NMD3: variants seen among roughly 807,000 people sequenced by gnomAD.
The protein encoded by NMD3 is NMD3 ribosome export adaptor, also known as 60S ribosomal export protein NMD3.
In NMD3, 47 loss-of-function variants were observed where a neutral mutation model predicts 73.1. The observed-to-expected ratio is 0.64, with a 90% CI of 0.51 to 0.82. The LOEUF (loss-of-function observed/expected upper bound fraction) is 0.82. Among genes scored for constraint, NMD3 ranks in the 40% least tolerant of loss-of-function variants. NMD3 has a pLI of 0.00. For missense variants in NMD3, 554 were observed against 612.5 expected (o/e 0.90, Z 1.01); for synonymous variants, 210 against 194.5 (o/e 1.08, Z -0.66).
intron 13 of NMD3, 101 bp downstream of exon 13, chr3:161,247,431 A>C: frequency 3.1e-6 from 2 of 650,906 alleles, no homozygotes; most frequent in South Asian, 5.2e-5. Flanking sequence ...ATAACAAATC[A>C]ATTTAGAGAT....
Position 161,246,399 on chromosome 3 carries a change from T to G in NMD3, c.1081T>G (p.Cys361Gly). ...AATGAATACAGATAAACAGTATTTT[T>G]GTCGTACTCATTTGGGACATCTTCT... ...SEMNTDKQYF[C>G]RTHLGHLLNP... The change falls in exon 12 of 16, where the codon TGT (cysteine) becomes GGT (glycine). Residue 361 changes from cysteine to glycine, a missense_variant. Transcript: ENST00000351193. The G allele has an allele frequency of 6.5e-7, 1 of 1,531,704 alleles. No homozygotes were observed. The highest frequency in any genetic ancestry group is 8.9e-7 in the Non-Finnish European group (1 of 1,122,606). 94.9% of individuals were successfully genotyped at this position (1,531,704 alleles called of 1,614,324 possible).
chr3:161,229,557 T>G (rs1736455867), intron 4 of NMD3, among the ~76,000 whole-genome samples: 1 of 152,160 alleles, frequency 6.6e-6, no homozygotes. Context: ...GTAGAAATAC[T>G]GAGTAGGCAG....
Position 161,238,181 on chromosome 3 carries a change from G to GT in NMD3, c.648dup (p.Pro217SerfsTer3). On this transcript the variant is annotated frameshift_variant, in exon 8 of 16. Coordinates refer to ENST00000351193, the MANE Select transcript of NMD3 (RefSeq NM_015938.5). LOFTEE classifies it high-confidence loss of function. ...GATGGTCGAATTTCTTCAGTGTACA[G>GT]TTCCCTGTAGGTATGTTCTGAACCT... 1 of 1,597,676 alleles carries GT rather than the reference G, an allele frequency of 6.3e-7. No individual in the cohort carries two copies. The highest frequency in any genetic ancestry group is 8.5e-7 in the Non-Finnish European group (1 of 1,169,880).
At position 161,238,718 on chromosome 3, in the gene NMD3, T is replaced by G; in HGVS notation, c.657-12T>G. On this transcript the variant is annotated splice_polypyrimidine_tract_variant and intron_variant, in intron 8 of 15. Coordinates refer to ENST00000351193, the MANE Select transcript of NMD3 (RefSeq NM_015938.5). The stretch of plus-strand genomic sequence containing the variant: ...TTTGTCTTTATATTACTACTAACTT[T>G]TTTCTTAATAGATACAAAGCATCAC... 1 of 1,333,120 alleles carries G rather than the reference T, an allele frequency of 7.5e-7. No individual in the cohort carries two copies. The allele number at this position is 1,333,120 out of a possible 1,614,324, so 82.6% of individuals were successfully genotyped here. A position where few individuals can be genotyped will look rare whatever the true frequency, so the allele number is the denominator to read the frequency against.
chr3:161,238,169 C>T lies in NMD3; in HGVS notation c.634C>T (p.Leu212Phe). Residue 212 changes from leucine to phenylalanine, a missense_variant, in exon 8 of 16, where the codon CTT becomes TTT. Transcript: ENST00000351193. ...KQHAQKMVEF[L>F]QCTVPCRYKA... ...ACATGCTCAGAAGATGGTCGAATTT[C>T]TTCAGTGTACAGTTCCCTGTAGGTA... is the stretch of plus-strand genomic sequence containing the variant. 2 of 1,599,396 alleles carry T rather than the reference C, an allele frequency of 1.3e-6. No homozygotes were observed. The highest frequency in any genetic ancestry group is 1.7e-6 in the Non-Finnish European group (2 of 1,173,116).
intron 14 of NMD3, 133 bp downstream of exon 14, chr3:161,249,693 G>A (rs1737403224): frequency 2.9e-6 from 2 of 697,948 alleles, no homozygotes; most frequent in East Asian, 5.5e-5. Flanking sequence ...TCTTATCAAG[G>A]TATTAATGGA....
Position 161,227,320 on chromosome 3 carries a change from A to G in NMD3, c.253A>G (p.Lys85Glu), listed in dbSNP as rs949653376. Residue 85 changes from lysine (K) to glutamate (E), a missense_variant, in exon 4 of 16, where the codon AAA becomes GAA. Physicochemically the swap from Lys to Glu is moderately conservative, Grantham distance 56. Transcript: ENST00000351193. ...SRELLALCLKKIKAPLSKVRL... is the reference protein window; with the variant it reads ...SRELLALCLKEIKAPLSKVRL... ...GGAACTTCTTGCTTTGTGCTTGAAAAAAATCAAAGCCCCTCTGAGTAAGGT... is the reference window on the plus strand; with the variant it reads ...GGAACTTCTTGCTTTGTGCTTGAAAGAAATCAAAGCCCCTCTGAGTAAGGT... The G allele has an allele frequency of 6.2e-7, 1 of 1,611,982 alleles. No homozygotes were observed. Among genetic ancestry groups the G allele is most frequent in the African/African-American group, 1.3e-5 (1 of 74,816 alleles).
chr3:161,236,639 G>T (rs1314836386), intron 7 of NMD3, among the ~76,000 whole-genome samples: 1 of 152,090 alleles, frequency 6.6e-6, no homozygotes, highest in Non-Finnish European at 1.5e-5. Context: ...AAAACTGTTT[G>T]TCTAATCAAG....
chr3:161,221,958 C>CT (rs376329329), intron 1 of NMD3, 36 bp from the exon 2 acceptor site: 10,521 of 859,124 alleles, frequency 0.012, 228 homozygotes, highest in East Asian at 0.02. Flanking sequence ...CCAACATTCT[C>CT]TTTTTTTTTT....
At chr3:161,250,119 G>A (rs917983611) in intron 14 of NMD3, 137 bp from the exon 15 acceptor site, 24 of 568,752 alleles carry the variant, frequency 4.2e-5, no homozygotes, top group Admixed American at 6.7e-5. Flanking sequence ...AAAAAACTGA[G>A]AGTTTATATA....
chr3:161,236,905 G>A (rs909953604), intron 7 of NMD3, among the ~76,000 whole-genome samples: 54 of 152,218 alleles, frequency 3.5e-4, no homozygotes, highest in African/African-American at 1.3e-3. Context: ...TGCTCCCATT[G>A]ATCTATATAT....
intron 11 of NMD3, among the ~76,000 whole-genome samples, chr3:161,243,263 A>G (rs1184786914): frequency 6.6e-6 from 1 of 152,214 alleles, no homozygotes; most frequent in African/African-American, 2.4e-5. Flanking sequence ...AATTAATAAT[A>G]AAATAGACCA....
chr3:161,237,120 C>G (rs964253858), intron 7 of NMD3, among the ~76,000 whole-genome samples: 12 of 152,084 alleles, frequency 7.9e-5, no homozygotes, highest in Middle Eastern at 6.8e-3. Flanking sequence ...TTGGCTATTC[C>G]TTTCTTGATT....
At chr3:161,250,166 A>G (rs1303815408) in intron 14 of NMD3, 90 bp from the exon 15 acceptor site, 1 of 680,948 alleles carries the variant, frequency 1.5e-6, no homozygotes, top group Non-Finnish European at 2.5e-6. Flanking sequence ...AAACAGCAGT[A>G]TGTCTACATA....
chr3:161,227,325 C>T lies in NMD3; in HGVS notation c.258C>T (p.Ile86=). The part of the protein sequence containing the change: ...RELLALCLKK[I]KAPLSKVRLV... Reference sequence around the variant, plus strand: ...TTCTTGCTTTGTGCTTGAAAAAAATCAAAGCCCCTCTGAGTAAGGTAAGTT... The same window carrying T: ...TTCTTGCTTTGTGCTTGAAAAAAATTAAAGCCCCTCTGAGTAAGGTAAGTT... The change falls in exon 4 of 16, where the codon ATC becomes ATT. Residue 86 remains isoleucine (I), a synonymous_variant. Transcript: ENST00000351193. 6.3e-7 allele frequency: 1 copy of T among 1,599,322 alleles called. No homozygotes were observed. The highest frequency in any genetic ancestry group is 1.3e-5 in the African/African-American group (1 of 74,364).
intron 4 of NMD3, among the ~76,000 whole-genome samples, chr3:161,229,059 A>T (rs1203873603): frequency 2.0e-5 from 3 of 152,176 alleles, no homozygotes; most frequent in African/African-American, 7.2e-5. Context: ...AAATGTAGAG[A>T]CCAAAAGCAA....
At chr3:161,229,552 A>G (rs908347239) in intron 4 of NMD3, among the ~76,000 whole-genome samples, 1 of 152,176 alleles carries the variant, frequency 6.6e-6, no homozygotes, top group African/African-American at 2.4e-5. Context: ...CTTAAGTAGA[A>G]ATACTGAGTA....
chr3:161,231,764 G>T (rs1333292501), intron 4 of NMD3, among the ~76,000 whole-genome samples: 1 of 152,092 alleles, frequency 6.6e-6, no homozygotes, highest in East Asian at 1.9e-4. Context: ...GAAATCAGGA[G>T]ATCTAGAAGG....
In NMD3 at chr3:161,221,823, G is replaced by T. The variant is rs1230527773; in HGVS notation, c.-20-171G>T. On this transcript the variant is annotated intron_variant, in intron 1 of 15. Coordinates refer to ENST00000351193, the MANE Select transcript of NMD3 (RefSeq NM_015938.5). ...TCCTCATCTTAAAGTTCTTTTTAAC[G>T]AACTTACCCAGTGGAGTTGGGTTTC... The T allele has an allele frequency of 3.4e-5, 16 of 470,798 alleles. No homozygotes were observed. In the East Asian group the frequency reaches 4.7e-4, roughly 14 times the overall value. The allele number at this position is 470,798 out of a possible 1,614,324, so 29.2% of individuals were successfully genotyped here.
Sources: allele counts gnomAD v4.1 joint callset (sites outside exome capture counted in the v4.1 genomes callset), GRCh38; gene constraint gnomAD v4.1.1; transcripts MANE v1.5; gene names NCBI Gene and HGNC (gene_info 2026-07-23, HGNC 2026-07-21).